KLHL26: variants seen among roughly 807,000 people sequenced by gnomAD.
KLHL26 encodes the protein kelch-like protein 26.
A neutral mutation model predicts 7.1 loss-of-function variants in KLHL26; 4 were observed. The observed-to-expected ratio is 0.56, with a 90% CI of 0.28 to 1.28. The LOEUF (loss-of-function observed/expected upper bound fraction) is 1.28, where lower values mean the gene tolerates loss of function less well. KLHL26 is among the 50% of genes most tolerant of loss of function. KLHL26 has a pLI of 0.11. For missense variants in KLHL26, 896 were observed against 924.6 expected (o/e 0.97, Z 0.40); for synonymous variants, 465 against 414.1 (o/e 1.12, Z -1.49).
At chr19:18,663,992 C>A (rs2145406561) in intron 1 of KLHL26, among the ~76,000 whole-genome samples, 1 of 152,234 alleles carries the variant, frequency 6.6e-6, no homozygotes, top group East Asian at 1.9e-4. Context: ...TATGCAAACA[C>A]CACCTCTGTC....
chr19:18,645,146 G>T (rs917074421), intron 1 of KLHL26, among the ~76,000 whole-genome samples: 1 of 152,156 alleles, frequency 6.6e-6, no homozygotes, highest in African/African-American at 2.4e-5. Flanking sequence ...AGAGGAGGTG[G>T]GGTCCTTGCT....
Position 18,668,795 on chromosome 19 carries a change from T to A in KLHL26, c.1398T>A (p.Gly466=). 6.3e-7 allele frequency: 1 copy of A among 1,595,972 alleles called. No individual in the cohort carries two copies. The highest frequency in any genetic ancestry group is 8.5e-7 in the Non-Finnish European group (1 of 1,178,044). The part of the protein sequence containing the change: ...AASGGRLYIS[G]GYGISVEDKK... Reference sequence around the variant, plus strand: ...CAGGGGGCCGCCTCTACATCTCGGGTGGCTACGGGATCTCAGTGGAGGACA... The same window carrying A: ...CAGGGGGCCGCCTCTACATCTCGGGAGGCTACGGGATCTCAGTGGAGGACA... The change falls in exon 3 of 3, where the codon GGT becomes GGA. Residue 466 remains glycine (G), a synonymous_variant. Coordinates refer to ENST00000300976, the MANE Select transcript of KLHL26 (RefSeq NM_018316.3).
intron 2 of KLHL26, 106 bp from the exon 3 acceptor site, chr19:18,667,558 C>A (rs768542631): frequency 3.3e-6 from 5 of 1,503,716 alleles, no homozygotes; most frequent in Non-Finnish European, 4.4e-6. Flanking sequence ...TGGCTGTGCC[C>A]TGTGTTCTGT....
chr19:18,667,399 A>G, intron 2 of KLHL26: 1 of 545,344 alleles, frequency 1.8e-6, no homozygotes, highest in Non-Finnish European at 3.3e-6. Context: ...TCTGTCACCC[A>G]GGCTGGAGTG....
intron 1 of KLHL26, among the ~76,000 whole-genome samples, chr19:18,655,179 T>C (rs1413791647): frequency 6.6e-6 from 1 of 152,156 alleles, no homozygotes; most frequent in Non-Finnish European, 1.5e-5. Flanking sequence ...TGGGGTTCCC[T>C]CTCTTGCAGG....
chr19:18,641,603 G>A (rs893849210), intron 1 of KLHL26, among the ~76,000 whole-genome samples: 2 of 148,738 alleles, frequency 1.3e-5, no homozygotes, highest in African/African-American at 5.0e-5. Context: ...AGAGGCATGA[G>A]CCACCACACC....
chr19:18,655,585 G>A (rs1025190719), intron 1 of KLHL26, among the ~76,000 whole-genome samples: 5 of 151,828 alleles, frequency 3.3e-5, no homozygotes, highest in African/African-American at 9.7e-5. Flanking sequence ...TGGGCCAGGA[G>A]CCAAGACTGC....
chr19:18,642,382 T>TGTGTGTG (rs71168756), intron 1 of KLHL26, among the ~76,000 whole-genome samples: 78 of 150,354 alleles, frequency 5.2e-4, no homozygotes, highest in East Asian at 9.8e-4. Context: ...TGTGTGTGTG[T>TGTGTGTG]TTGAGATGGA....
rs1219013363 is a variant in KLHL26, at chr19:18,648,856, G to T, written c.83+11719G>T. Among the ~76,000 whole-genome samples, 4 of 152,034 alleles carry T rather than the reference G, an allele frequency of 2.6e-5. No homozygotes were observed. The highest frequency in any genetic ancestry group is 9.7e-5 in the African/African-American group (4 of 41,384). ...CTCCTGCTCTCTCCTCCCCATCCCA[G>T]CTCAGAGCCACTCCTGGCTCTTCCC... On this transcript the variant is annotated intron_variant, in intron 1 of 2. Transcript: ENST00000300976. The surrounding 1 kb of genome is among the most constrained non-coding windows in gnomAD (Gnocchi z 4.9).
chr19:18,658,373 C>T (rs1251200694), intron 1 of KLHL26, among the ~76,000 whole-genome samples: 1 of 151,976 alleles, frequency 6.6e-6, no homozygotes, highest in Non-Finnish European at 1.5e-5. Flanking sequence ...GAGCCCCACA[C>T]CACCTCCCAC....
intron 1 of KLHL26, among the ~76,000 whole-genome samples, chr19:18,647,966 G>A (rs553866463): frequency 3.9e-5 from 6 of 152,290 alleles, no homozygotes; most frequent in African/African-American, 1.4e-4. Context: ...GCGCATACAT[G>A]CCAGCAGGAG....
Position 18,647,674 on chromosome 19 carries a change from C to T in KLHL26, c.83+10537C>T, listed in dbSNP as rs535034540. Among the ~76,000 whole-genome samples the T allele has an allele frequency of 8.2e-4, 123 of 150,654 alleles. 2 individuals are homozygous for T. In the South Asian group the frequency reaches 0.025, roughly 31 times the overall value. On this transcript the variant is annotated intron_variant, in intron 1 of 2. Transcript: ENST00000300976. ...GAAAGAGAGAGGAGGAGAAAAAGAACAGGAGAATGGGGAGGGAGAGAGGAG... is the reference window on the plus strand; with the variant it reads ...GAAAGAGAGAGGAGGAGAAAAAGAATAGGAGAATGGGGAGGGAGAGAGGAG...
chr19:18,666,857 T>C (rs3829671), intron 2 of KLHL26, among the ~76,000 whole-genome samples: 108,365 of 152,154 alleles, frequency 0.71, 39,757 homozygotes, highest in African/African-American at 0.91. Context: ...CTGTGGTGCA[T>C]GGCACCTCCA....
chr19:18,639,358 G>A (rs1438915694), intron 1 of KLHL26, among the ~76,000 whole-genome samples: 4 of 146,058 alleles, frequency 2.7e-5, no homozygotes, highest in Non-Finnish European at 6.0e-5. Context: ...TTACAGGCGT[G>A]AACTACTGCA....
chr19:18,644,990 GA>G (rs1470566260), intron 1 of KLHL26, among the ~76,000 whole-genome samples: 1 of 152,018 alleles, frequency 6.6e-6, no homozygotes, highest in Non-Finnish European at 1.5e-5. Context: ...AACCGAGGGG[GA>G]AAAAAGAAAG....
chr19:18,644,844 G>A (rs1976773371), intron 1 of KLHL26, among the ~76,000 whole-genome samples: 1 of 151,996 alleles, frequency 6.6e-6, no homozygotes, highest in East Asian at 1.9e-4. Flanking sequence ...CAGGGGCGGG[G>A]GCAGTTCCTG....
In KLHL26 at chr19:18,656,210, T is replaced by C. The variant is rs1477288301; in HGVS notation, c.84-8051T>C. ...CCTGCAGGATGGGGGTGGACGGGCC[T>C]CAGCTTTCTGCTCCCAGCTCTGTGG... is the stretch of plus-strand genomic sequence containing the variant. On this transcript the variant is annotated intron_variant, in intron 1 of 2. Transcript: ENST00000300976. This position sits in a 1 kb window ranked among gnomAD's most constrained non-coding sequence, Gnocchi z 4.4. 6.6e-6 allele frequency among the ~76,000 whole-genome samples: 1 copy of C among 152,188 alleles called. No individual in the cohort carries two copies. The highest frequency in any genetic ancestry group is 1.5e-5 in the Non-Finnish European group (1 of 68,024).
In KLHL26 at chr19:18,667,434, G is replaced by A. The variant is rs145693601; in HGVS notation, c.267-230G>A. ...GCAGTGCCAGTGGTCTCGATCTCCT[G>A]ATCTCATGATCCACCCGCCTGGGCT... On this transcript the variant is annotated intron_variant, in intron 2 of 2. Transcript: ENST00000300976. 7.4e-5 allele frequency: 46 copies of A among 620,660 alleles called. No homozygotes were observed. The African/African-American group carries it at 7.7e-4, about 10-fold the overall frequency. 38.4% of individuals were successfully genotyped at this position (620,660 alleles called of 1,614,324 possible). A position where few individuals can be genotyped will look rare whatever the true frequency, so the allele number is the denominator to read the frequency against.
chr19:18,642,337 T>TTGTGTG (rs1568453946), intron 1 of KLHL26, among the ~76,000 whole-genome samples: 1 of 67,632 alleles, frequency 1.5e-5, no homozygotes, highest in African/African-American at 8.1e-5. Flanking sequence ...GCTAGTCACC[T>TTGTGTG]AGTGTGTGTG....
Sources: allele counts gnomAD v4.1 joint callset (sites outside exome capture counted in the v4.1 genomes callset), GRCh38; gene constraint gnomAD v4.1.1; non-coding constraint Gnocchi (gnomAD v3.1); transcripts MANE v1.5; gene names NCBI Gene and HGNC (gene_info 2026-07-23, HGNC 2026-07-21).